The following DLGAP2 variants were observed in gnomAD, a reference collection of about 807,000 sequenced individuals.
The protein encoded by DLGAP2 is DLG associated protein 2, also known as disks large-associated protein 2.
In DLGAP2, 26 loss-of-function variants were observed where a neutral mutation model predicts 100.3. The ratio of observed to expected loss-of-function variants is 0.26; its 90% confidence interval spans 0.19 to 0.36. DLGAP2 has a LOEUF of 0.36. Among genes scored for constraint, DLGAP2 ranks in the 10% least tolerant of loss-of-function variants. The pLI is 1.00. For synonymous variants in DLGAP2, 886 were observed against 630.1 expected (o/e 1.41, Z -6.08); for missense variants, 1,858 against 1,453.2 (o/e 1.28, Z -4.53).
intron 1 of DLGAP2, among the ~76,000 whole-genome samples, chr8:848,814 C>T (rs572601376): frequency 6.6e-6 from 1 of 151,284 alleles, no homozygotes; most frequent in East Asian, 2.0e-4. Context: ...TAGGAACGTG[C>T]CAGGGTTTGT....
chr8:1,327,730 G>C (rs112609539), intron 3 of DLGAP2, among the ~76,000 whole-genome samples: 5,318 of 152,184 alleles, frequency 0.035, 342 homozygotes, highest in African/African-American at 0.12. Context: ...TGTAGTCCCA[G>C]CTACTCAGGT....
chr8:1,604,100 G>C (rs1346768112), intron 6 of DLGAP2, among the ~76,000 whole-genome samples: 1 of 152,116 alleles, frequency 6.6e-6, no homozygotes, highest in African/African-American at 2.4e-5. Context: ...CAGGCACAAA[G>C]ATGAATGACC....
chr8:1,387,990 CGGTG>C (rs1796257552), intron 3 of DLGAP2, among the ~76,000 whole-genome samples: 2 of 152,200 alleles, frequency 1.3e-5, no homozygotes, highest in African/African-American at 2.4e-5. Context: ...TGAGCAAACA[CGGTG>C]GGCGCAGAGC....
chr8:1,568,506 G>T (rs71499013), intron 6 of DLGAP2, among the ~76,000 whole-genome samples: 1 of 140,280 alleles, frequency 7.1e-6, no homozygotes, highest in African/African-American at 2.7e-5. Flanking sequence ...TGGCCCCCAT[G>T]CCACTGTCCA....
chr8:1,538,804 A>ATG (rs1801247900), intron 4 of DLGAP2, among the ~76,000 whole-genome samples: 1 of 151,710 alleles, frequency 6.6e-6, no homozygotes, highest in East Asian at 1.9e-4. Context: ...CCGGGTGGAC[A>ATG]TGTGTGTGAA....
intron 2 of DLGAP2, among the ~76,000 whole-genome samples, chr8:1,157,756 G>A (rs751511457): frequency 2.0e-5 from 3 of 152,226 alleles, no homozygotes; most frequent in African/African-American, 7.2e-5. Context: ...CCTATGCGTG[G>A]AGCTTCGTCA....
intron 8 of DLGAP2, among the ~76,000 whole-genome samples, chr8:1,639,353 G>T (rs1310273225): frequency 6.6e-6 from 1 of 152,220 alleles, no homozygotes; most frequent in African/African-American, 2.4e-5. Context: ...GTTCACCACA[G>T]TGGGAACAGA....
intron 3 of DLGAP2, among the ~76,000 whole-genome samples, chr8:1,437,635 C>CA (rs1269123720): frequency 6.6e-6 from 1 of 151,866 alleles, no homozygotes; most frequent in Non-Finnish European, 1.5e-5. Context: ...ATTTCCCCTC[C>CA]ATCAGCTTTT....
At chr8:1,630,230 G>C (rs1797608164) in intron 7 of DLGAP2, among the ~76,000 whole-genome samples, 2 of 152,152 alleles carry the variant, frequency 1.3e-5, no homozygotes, top group Admixed American at 1.3e-4. Flanking sequence ...TAGGTGAGAA[G>C]ACTGTGTCAC....
intron 3 of DLGAP2, chr8:1,373,723 G>A (rs1802311701): frequency 6.6e-6 from 1 of 152,186 alleles, no homozygotes; most frequent in Non-Finnish European, 1.5e-5. Flanking sequence ...ACAACGCTGT[G>A]GCCTCTCCAG....
intron 2 of DLGAP2, among the ~76,000 whole-genome samples, chr8:1,050,594 A>T (rs993466465): frequency 6.6e-6 from 1 of 152,200 alleles, no homozygotes; most frequent in Non-Finnish European, 1.5e-5. Flanking sequence ...GAATGCAGGA[A>T]CTTGGTGTTC....
chr8:1,574,568 C>G (rs553974794), intron 6 of DLGAP2, among the ~76,000 whole-genome samples: 14 of 152,302 alleles, frequency 9.2e-5, no homozygotes, highest in African/African-American at 3.4e-4. Flanking sequence ...GGTCTTCCCA[C>G]CAGAGCCTCA....
chr8:1,580,387 G>A (rs1367176520), intron 6 of DLGAP2, among the ~76,000 whole-genome samples: 1 of 152,174 alleles, frequency 6.6e-6, no homozygotes, highest in Non-Finnish European at 1.5e-5. Context: ...GAAGAAATCA[G>A]TGACCTTGAA....
intron 3 of DLGAP2, among the ~76,000 whole-genome samples, chr8:1,325,400 G>A (rs1301472689): frequency 6.6e-6 from 1 of 152,222 alleles, no homozygotes; most frequent in Admixed American, 6.5e-5. Context: ...CCTGGTCCCT[G>A]GGTGTGGTCC....
intron 2 of DLGAP2, among the ~76,000 whole-genome samples, chr8:928,409 G>A (rs1342359245): frequency 6.6e-6 from 1 of 152,100 alleles, no homozygotes; most frequent in East Asian, 1.9e-4. Flanking sequence ...TCCTGGACGT[G>A]GATTTACTGT....
At chr8:1,505,068 T>C (rs907782350) in intron 4 of DLGAP2, among the ~76,000 whole-genome samples, 1 of 152,204 alleles carries the variant, frequency 6.6e-6, no homozygotes. Context: ...CCCAACACTA[T>C]CATAACAACA....
intron 2 of DLGAP2, among the ~76,000 whole-genome samples, chr8:1,234,328 C>T (rs62486947): frequency 0.11 from 16,718 of 152,118 alleles, 1,050 homozygotes; most frequent in South Asian, 0.17. Context: ...TTCTTCTGAG[C>T]CTGTGAGGGA....
intron 2 of DLGAP2, among the ~76,000 whole-genome samples, chr8:1,240,065 G>C (rs1470879097): frequency 2.0e-5 from 3 of 149,900 alleles, no homozygotes; most frequent in Non-Finnish European, 3.0e-5. Flanking sequence ...GCCGTGTCTA[G>C]TTATCTCACA....
intron 6 of DLGAP2, among the ~76,000 whole-genome samples, chr8:1,589,868 C>T (rs1796239118): frequency 6.6e-6 from 1 of 152,128 alleles, no homozygotes; most frequent in South Asian, 2.1e-4. Context: ...CTTCTGACCC[C>T]GCAACACCAT....
Sources: gnomAD v4.1 joint callset for allele counts (sites outside exome capture counted in the v4.1 genomes callset) on GRCh38, gnomAD v4.1.1 for gene constraint, MANE v1.5 for transcripts, NCBI Gene and HGNC (gene_info 2026-07-23, HGNC 2026-07-21) for gene names.